Variants in CMSS1 observed in about 807,000 individuals in gnomAD.
CMSS1 encodes the protein cms1 ribosomal small subunit homolog, also known as protein CMSS1.
A neutral mutation model predicts 43.5 loss-of-function variants in CMSS1; 33 were observed. That is an observed-to-expected ratio of 0.76 (90% CI 0.57 to 1.01). The LOEUF is 1.01. Among genes scored for constraint, CMSS1 ranks in the 50% least tolerant of loss-of-function variants. The pLI, the probability that CMSS1 is intolerant of heterozygous loss-of-function variation, is 0.00. For synonymous variants in CMSS1, 115 were observed against 117.2 expected, an observed-to-expected ratio of 0.98 and a Z score of 0.12; for missense variants, 313 against 326.4, an observed-to-expected ratio of 0.96 and a Z score of 0.32.
At chr3:100,038,908 A>G (rs1241281000) in intron 1 of CMSS1, among the ~76,000 whole-genome samples, 4 of 152,188 alleles carry the variant, frequency 2.6e-5, no homozygotes, top group Non-Finnish European at 5.9e-5. Context: ...TGCATGTAAT[A>G]AAAAGAAGAA....
intron 2 of CMSS1, among the ~76,000 whole-genome samples, chr3:100,156,711 G>A (rs964065165): frequency 6.6e-6 from 1 of 152,004 alleles, no homozygotes; most frequent in African/African-American, 2.4e-5. Context: ...CGCTTCCCGG[G>A]TTCACTCCAT....
intron 1 of CMSS1, among the ~76,000 whole-genome samples, chr3:99,889,292 A>G (rs1706009024): frequency 6.6e-6 from 1 of 152,134 alleles, no homozygotes; most frequent in African/African-American, 2.4e-5. Context: ...CACAAATTCA[A>G]ACTGTTCCTA....
intron 1 of CMSS1, among the ~76,000 whole-genome samples, chr3:99,902,130 T>A (rs982981146): frequency 6.6e-6 from 1 of 152,214 alleles, no homozygotes; most frequent in Non-Finnish European, 1.5e-5. Flanking sequence ...ATAGAAATAT[T>A]CATGATGTTA....
At chr3:100,007,032 T>C (rs1271018564) in intron 1 of CMSS1, among the ~76,000 whole-genome samples, 1 of 152,248 alleles carries the variant, frequency 6.6e-6, no homozygotes, top group East Asian at 1.9e-4. Context: ...GCTTTCTTAG[T>C]GCCTTAGCTG....
At chr3:99,894,872 A>G (rs1025716223) in intron 1 of CMSS1, among the ~76,000 whole-genome samples, 4 of 152,230 alleles carry the variant, frequency 2.6e-5, no homozygotes, top group Admixed American at 2.0e-4. Flanking sequence ...TTGCAAACGT[A>G]TAGAGTTCAA....
intron 1 of CMSS1, among the ~76,000 whole-genome samples, chr3:100,115,603 CTCTCTCTCTCTCTCTCTCTCTCTCTG>C (rs1559762590): frequency 7.8e-6 from 1 of 128,368 alleles, no homozygotes; most frequent in Non-Finnish European, 1.6e-5. Context: ...CTCTCTCTCT[CTCTCTCTCTCTCTCTCTCTCTCTCTG>C]TCTCTCTCTC....
chr3:100,146,354 T>C (rs1161695527), intron 1 of CMSS1, among the ~76,000 whole-genome samples: 1 of 152,192 alleles, frequency 6.6e-6, no homozygotes, highest in Non-Finnish European at 1.5e-5. Context: ...CTCTCAACAT[T>C]TCCTCCTGGG....
intron 1 of CMSS1, among the ~76,000 whole-genome samples, chr3:100,065,715 A>T (rs192390190): frequency 6.6e-6 from 1 of 152,328 alleles, no homozygotes; most frequent in East Asian, 1.9e-4. Context: ...TGTCATCACC[A>T]CCTGTATTCT....
rs144996401 is a variant in CMSS1 at position 100,120,622 on chromosome 3, T to A, written c.65-26351T>A. On this transcript the variant is annotated intron_variant, in intron 1 of 9. Coordinates refer to ENST00000421999, the MANE Select transcript of CMSS1 (RefSeq NM_032359.4). ...GTCTTGGTCCTTTAAAGACAAAACG[T>A]TGTCCTGTCTCTGTCGCTCAGGAAC... Among the ~76,000 whole-genome samples, 1,075 of 152,190 alleles carry A rather than the reference T, an allele frequency of 7.1e-3. 18 individuals carry two copies. The highest frequency in any genetic ancestry group is 0.025 in the African/African-American group (1,037 of 41,532).
In CMSS1 at chr3:100,171,942, C is replaced by T. The variant is rs184463470; in HGVS notation, c.579+43C>T. Reference sequence around the variant, plus strand: ...TGATCCCTAAAGGCCTCTCCCAGACCTCAGCTTTTTTCCTTTCAACCTCTT... The same window carrying T: ...TGATCCCTAAAGGCCTCTCCCAGACTTCAGCTTTTTTCCTTTCAACCTCTT... On this transcript the variant is annotated intron_variant, in intron 7 of 9. Coordinates refer to ENST00000421999, the MANE Select transcript of CMSS1 (RefSeq NM_032359.4). The T allele has an allele frequency of 1.3e-5, 20 of 1,483,398 alleles. No homozygotes were observed. In the African/African-American group the frequency reaches 2.2e-4, roughly 17 times the overall value. 91.9% of individuals were successfully genotyped at this position (1,483,398 alleles called of 1,614,324 possible).
At chr3:100,174,731 T>A (rs1171997028) in intron 8 of CMSS1, among the ~76,000 whole-genome samples, 1 of 152,140 alleles carries the variant, frequency 6.6e-6, no homozygotes, top group African/African-American at 2.4e-5. Context: ...ATACGTTTGA[T>A]ATATAAGGAG....
intron 1 of CMSS1, among the ~76,000 whole-genome samples, chr3:100,085,061 T>G (rs1458822220): frequency 6.6e-6 from 1 of 152,160 alleles, no homozygotes; most frequent in African/African-American, 2.4e-5. Flanking sequence ...CTCTGCTGAA[T>G]CTCCTAAACT....
intron 1 of CMSS1, among the ~76,000 whole-genome samples, chr3:100,093,670 A>G (rs1269731459): frequency 6.6e-6 from 1 of 152,106 alleles, no homozygotes; most frequent in Non-Finnish European, 1.5e-5. Flanking sequence ...AGGATCCCTC[A>G]TGTTCACCTT....
Position 99,823,917 on chromosome 3 carries a change from C to T in CMSS1, c.64+5874C>T, listed in dbSNP as rs1436072863. Among the ~76,000 whole-genome samples the T allele has an allele frequency of 2.0e-5, 3 of 150,810 alleles. No individual in the cohort carries two copies. The East Asian group carries it at 5.8e-4, about 29-fold the overall frequency. ...CCTGTCCTTCTGATTGGCTGGCTTTCTTTCTTTCTTTTTTTTTTTTTTTGA... is the reference window on the plus strand; with the variant it reads ...CCTGTCCTTCTGATTGGCTGGCTTTTTTTCTTTCTTTTTTTTTTTTTTTGA... On this transcript the variant is annotated intron_variant, in intron 1 of 9. Coordinates refer to ENST00000421999, the MANE Select transcript of CMSS1 (RefSeq NM_032359.4).
chr3:99,820,660 A>C (rs1389840180), intron 1 of CMSS1, among the ~76,000 whole-genome samples: 1 of 152,240 alleles, frequency 6.6e-6, no homozygotes, highest in Non-Finnish European at 1.5e-5. Context: ...TTCAAAAGAA[A>C]TCACAGCTGA....
intron 1 of CMSS1, among the ~76,000 whole-genome samples, chr3:99,832,387 C>T (rs559974115): frequency 5.5e-4 from 83 of 151,132 alleles, no homozygotes; most frequent in African/African-American, 1.9e-3. Context: ...ACCGCCACCA[C>T]GCCCGGCTAA....
At chr3:99,824,325 A>G (rs1942496826) in intron 1 of CMSS1, among the ~76,000 whole-genome samples, 1 of 152,178 alleles carries the variant, frequency 6.6e-6, no homozygotes, top group Admixed American at 6.5e-5. Flanking sequence ...GCTCTATTAC[A>G]TTATCACAAT....
chr3:100,103,119 A>G (rs191703159), intron 1 of CMSS1, among the ~76,000 whole-genome samples: 2 of 152,214 alleles, frequency 1.3e-5, no homozygotes, highest in Non-Finnish European at 2.9e-5. Context: ...TGACTTTTGT[A>G]TATTCCTGTT....
chr3:99,983,486 A>G (rs376563704), intron 1 of CMSS1, among the ~76,000 whole-genome samples: 459 of 23,332 alleles, frequency 0.02, 12 homozygotes, highest in African/African-American at 0.06. Context: ...ATATATATAT[A>G]TATATATATA....
Sources: allele counts gnomAD v4.1 joint callset (sites outside exome capture counted in the v4.1 genomes callset), GRCh38; gene constraint gnomAD v4.1.1; transcripts MANE v1.5; gene names NCBI Gene and HGNC (gene_info 2026-07-23, HGNC 2026-07-21).